PCSK6: variants seen among roughly 807,000 people sequenced by gnomAD.
PCSK6 encodes the protein proprotein convertase subtilisin/kexin type 6.
In PCSK6, 85 loss-of-function variants were observed where a neutral mutation model predicts 123.3. The observed-to-expected ratio is 0.69, with a 90% CI of 0.58 to 0.83. The LOEUF is 0.83. Among genes scored for constraint, PCSK6 ranks in the 40% least tolerant of loss-of-function variants. PCSK6 has a pLI of 0.00. For synonymous variants in PCSK6, 508 were observed against 516.0 expected, an observed-to-expected ratio of 0.98 and a Z score of 0.21; for missense variants, 1,191 against 1,282.3, an observed-to-expected ratio of 0.93 and a Z score of 1.09.
intron 19 of PCSK6, among the ~76,000 whole-genome samples, chr15:101,316,993 C>G (rs987456907): frequency 6.8e-6 from 1 of 146,514 alleles, no homozygotes; most frequent in African/African-American, 2.6e-5. Flanking sequence ...CTCCTTGCAA[C>G]CTCCACCTCC....
intron 1 of PCSK6, among the ~76,000 whole-genome samples, chr15:101,488,787 C>G (rs1049454789): frequency 5.3e-5 from 8 of 151,420 alleles, no homozygotes; most frequent in Non-Finnish European, 8.9e-5. Context: ...CTCCAGGGTG[C>G]AGGCTCCCGG....
intron 13 of PCSK6, chr15:101,347,259 CTCTTA>C (rs2040758760): frequency 1.6e-6 from 2 of 1,232,456 alleles, no homozygotes; most frequent in Non-Finnish European, 2.0e-6. Context: ...AAAATCTCAA[CTCTTA>C]TCTTAGAAAT....
At chr15:101,486,314 C>A (rs971201495) in intron 1 of PCSK6, among the ~76,000 whole-genome samples, 3 of 152,164 alleles carry the variant, frequency 2.0e-5, no homozygotes, top group Admixed American at 2.0e-4. Context: ...AAAAGTCTCA[C>A]CTTTTTAAAA....
intron 11 of PCSK6, among the ~76,000 whole-genome samples, chr15:101,377,528 A>G (rs937538463): frequency 6.6e-6 from 1 of 152,152 alleles, no homozygotes; most frequent in Admixed American, 6.5e-5. Context: ...CCAACCTCAC[A>G]TGTTTATTGG....
At chr15:101,319,754 G>A (rs1179283475) in intron 18 of PCSK6, among the ~76,000 whole-genome samples, 1 of 152,218 alleles carries the variant, frequency 6.6e-6, no homozygotes, top group African/African-American at 2.4e-5. Context: ...CACATCCTGG[G>A]AGGGTAGCCC....
At chr15:101,431,161 G>A (rs1328676291) in intron 4 of PCSK6, among the ~76,000 whole-genome samples, 159 bp downstream of exon 4, 1 of 152,222 alleles carries the variant, frequency 6.6e-6, no homozygotes, top group Admixed American at 6.5e-5. Flanking sequence ...GCAAGTAGCA[G>A]AATATTCATC....
intron 6 of PCSK6, among the ~76,000 whole-genome samples, chr15:101,411,389 G>C (rs2055678331): frequency 6.6e-6 from 1 of 152,122 alleles, no homozygotes; most frequent in Admixed American, 6.5e-5. Flanking sequence ...ACGATGCCCT[G>C]GGAGCGGGGA....
chr15:101,321,991 C>G (rs1381076541), intron 18 of PCSK6, among the ~76,000 whole-genome samples: 1 of 152,278 alleles, frequency 6.6e-6, no homozygotes, highest in East Asian at 1.9e-4. Flanking sequence ...CAAAATATTC[C>G]AAGAACAATC....
chr15:101,310,320 T>G (rs1228947194), intron 20 of PCSK6, among the ~76,000 whole-genome samples: 2 of 152,138 alleles, frequency 1.3e-5, no homozygotes, highest in African/African-American at 4.8e-5. Flanking sequence ...AAGAGAGGTT[T>G]GCGGTGGGGC....
Position 101,307,300 on chromosome 15 carries a change from C to T in PCSK6, c.2725G>A (p.Ala909Thr), listed in dbSNP as rs1349409128. Residue 909 changes from alanine (A) to threonine (T), a missense_variant, in exon 21 of 22, where the codon GCA becomes ACA. Around this residue, in one of 3 missense-constraint regions of PCSK6, gnomAD observed 630 missense variants for 631.4 expected, o/e 1.00. Coordinates refer to ENST00000611716, the MANE Select transcript of PCSK6 (RefSeq NM_002570.5). ...CTGCTACAGTTCCTGCTGGAGCCTG[C>T]ACAGCTCAAGCAGTTCTCGTCACAC... ...RRCDENCLSC[A>T]GSSRNCSRCK... 2.5e-6 allele frequency: 4 copies of T among 1,613,318 alleles called. No homozygotes were observed. Among genetic ancestry groups the T allele is most frequent in the African/African-American group, 2.7e-5 (2 of 74,902 alleles).
At chr15:101,366,658 A>T (rs2041402595) in intron 12 of PCSK6, among the ~76,000 whole-genome samples, 1 of 152,068 alleles carries the variant, frequency 6.6e-6, no homozygotes, top group Non-Finnish European at 1.5e-5. Context: ...CAGTCCCGAC[A>T]ATTTCCTGCA....
intron 6 of PCSK6, among the ~76,000 whole-genome samples, chr15:101,412,331 A>C (rs2055717646): frequency 6.6e-6 from 1 of 152,222 alleles, no homozygotes; most frequent in African/African-American, 2.4e-5. Context: ...ACAATCACCG[A>C]TGCCAACATG....
chr15:101,456,206 T>C (rs1248857378), intron 1 of PCSK6, among the ~76,000 whole-genome samples: 1 of 151,694 alleles, frequency 6.6e-6, no homozygotes, highest in East Asian at 1.9e-4. Context: ...ATCATCCTAC[T>C]CCAGGGATGG....
At chr15:101,410,410 G>T (rs956081691) in intron 6 of PCSK6, among the ~76,000 whole-genome samples, 1 of 152,198 alleles carries the variant, frequency 6.6e-6, no homozygotes, top group Non-Finnish European at 1.5e-5. Context: ...GAGAGAAGGA[G>T]AACTATGTGC....
intron 6 of PCSK6, among the ~76,000 whole-genome samples, chr15:101,400,001 C>G (rs766961052): frequency 1.2e-4 from 19 of 152,122 alleles, no homozygotes; most frequent in Non-Finnish European, 2.5e-4. Context: ...AGAGAAATAA[C>G]CAATAATATT....
At chr15:101,316,914 T>TG (rs1302103729) in intron 19 of PCSK6, among the ~76,000 whole-genome samples, 1 of 100,494 alleles carries the variant, frequency 1.0e-5, no homozygotes, top group East Asian at 2.6e-4. Context: ...AATTCTGTTT[T>TG]TTTTTTTTTT....
chr15:101,333,985 C>T (rs1489298038), intron 13 of PCSK6, among the ~76,000 whole-genome samples: 2 of 152,256 alleles, frequency 1.3e-5, no homozygotes, highest in African/African-American at 4.8e-5. Flanking sequence ...AGATTCTGTA[C>T]TGCCCAAGCC....
At position 101,414,011 on chromosome 15, in the gene PCSK6, C is replaced by T. The variant is rs190392262; in HGVS notation, c.823+13881G>A. On this transcript the variant is annotated intron_variant, in intron 6 of 21. Coordinates refer to ENST00000611716, the MANE Select transcript of PCSK6 (RefSeq NM_002570.5). ...GGATGGAAAAACGTATACTGTACAA[C>T]CATTAATCAAAGGAAAGTAGAAGTA... Among the ~76,000 whole-genome samples, 400 of 152,112 alleles carry T rather than the reference C, an allele frequency of 2.6e-3. 1 individual carries two copies. The highest frequency in any genetic ancestry group is 9.2e-3 in the African/African-American group (383 of 41,496).
intron 6 of PCSK6, among the ~76,000 whole-genome samples, chr15:101,419,065 C>T (rs1286485532): frequency 6.6e-6 from 1 of 151,410 alleles, no homozygotes; most frequent in Non-Finnish European, 1.5e-5. Flanking sequence ...ACCTATAAAC[C>T]ACCACTATTC....
Sources: gnomAD v4.1 joint callset for allele counts (sites outside exome capture counted in the v4.1 genomes callset) on GRCh38, gnomAD v4.1.1 for gene constraint, gnomAD v4.1.1 regional missense constraint, MANE v1.5 for transcripts, NCBI Gene and HGNC (gene_info 2026-07-23, HGNC 2026-07-21) for gene names.